The following TRAPPC9 variants were observed in gnomAD, a reference collection of about 807,000 sequenced individuals.
TRAPPC9 encodes trafficking protein particle complex subunit 9, also known as IKK2 binding protein.
Under a neutral mutation model 124.0 loss-of-function variants are expected in TRAPPC9, and 83 were observed. The ratio of observed to expected loss-of-function variants is 0.67; its 90% confidence interval spans 0.56 to 0.80. The LOEUF (loss-of-function observed/expected upper bound fraction) is 0.80, where lower values mean the gene tolerates loss of function less well. Ranked by LOEUF, TRAPPC9 falls within the 30% of genes least tolerant of loss-of-function variation. TRAPPC9 has a pLI of 0.00. For missense variants in TRAPPC9, 1,302 were observed against 1,508.3 expected (o/e 0.86, Z 2.27); for synonymous variants, 638 against 617.5 (o/e 1.03, Z -0.49).
Position 139,876,895 on chromosome 8 carries a change from A to G in TRAPPC9, c.3055+8984T>C, listed in dbSNP as rs149158456. 4.7e-4 allele frequency among the ~76,000 whole-genome samples: 71 copies of G among 152,316 alleles called. 3 individuals are homozygous for G. The East Asian group carries it at 0.014, about 29-fold the overall frequency. On this transcript the variant is annotated intron_variant, in intron 21 of 22. Coordinates refer to ENST00000438773, the MANE Select transcript of TRAPPC9 (RefSeq NM_001160372.4). The stretch of plus-strand genomic sequence containing the variant: ...TCATGAAGAGTTTGGACCTTGAGCC[A>G]TGCTCCCCAAATGTGAGAGCACCAC...
chr8:140,290,846 A>G, intron 12 of TRAPPC9, 147 bp downstream of exon 12: 1 of 712,764 alleles, frequency 1.4e-6, no homozygotes. Context: ...CATGGTCTTC[A>G]TTTACAATAA....
At chr8:139,789,050 C>G (rs1451838276) in intron 21 of TRAPPC9, among the ~76,000 whole-genome samples, 1 of 152,248 alleles carries the variant, frequency 6.6e-6, no homozygotes, top group East Asian at 1.9e-4. Flanking sequence ...CAGCTAAAAT[C>G]AGCATGCACG....
intron 21 of TRAPPC9, among the ~76,000 whole-genome samples, chr8:139,762,738 G>A (rs1381164741): frequency 1.3e-5 from 2 of 152,202 alleles, no homozygotes; most frequent in Non-Finnish European, 2.9e-5. Flanking sequence ...ATGTGCCCAG[G>A]AAACAGATGG....
chr8:140,009,701 G>A lies in TRAPPC9; in HGVS notation c.2699+14236C>T, dbSNP rs561802667. ...ACTGACATCCACTCCCGCCCGTGGCGCAACAGCACATTCTCTGAAAGCAGC... is the reference window on the plus strand; with the variant it reads ...ACTGACATCCACTCCCGCCCGTGGCACAACAGCACATTCTCTGAAAGCAGC... On this transcript the variant is annotated intron_variant, in intron 18 of 22. Transcript: ENST00000438773. Among the ~76,000 whole-genome samples the A allele has an allele frequency of 2.6e-5, 4 of 152,300 alleles. No individual in the cohort carries two copies. The South Asian group carries it at 6.2e-4, about 24-fold the overall frequency.
intron 21 of TRAPPC9, among the ~76,000 whole-genome samples, chr8:139,756,535 G>A (rs1819805800): frequency 6.8e-6 from 1 of 147,370 alleles, no homozygotes; most frequent in African/African-American, 2.6e-5. Flanking sequence ...GCAGGTCGCA[G>A]GAGGAGCCAG....
At chr8:140,415,882 T>G (rs979485711) in intron 5 of TRAPPC9, among the ~76,000 whole-genome samples, 14 of 152,074 alleles carry the variant, frequency 9.2e-5, no homozygotes, top group African/African-American at 3.4e-4. Context: ...AAGGATCACT[T>G]GAGCACAGGA....
intron 19 of TRAPPC9, among the ~76,000 whole-genome samples, chr8:139,931,020 T>G (rs180813041): frequency 1.1e-4 from 17 of 152,230 alleles, no homozygotes; most frequent in Non-Finnish European, 2.1e-4. Flanking sequence ...GTTCCCTGTC[T>G]GTCCAGGAAG....
chr8:139,806,560 G>A (rs1824076182), intron 21 of TRAPPC9, among the ~76,000 whole-genome samples: 1 of 152,224 alleles, frequency 6.6e-6, no homozygotes, highest in South Asian at 2.1e-4. Context: ...CCCCAAGGGT[G>A]TACCTGAACC....
At chr8:140,151,385 G>A (rs1481850908) in intron 17 of TRAPPC9, among the ~76,000 whole-genome samples, 2 of 152,210 alleles carry the variant, frequency 1.3e-5, no homozygotes, top group African/African-American at 4.8e-5. Flanking sequence ...GATAAAGGCT[G>A]CAAACCCAGC....
chr8:139,865,280 C>G (rs1267826077), intron 21 of TRAPPC9, among the ~76,000 whole-genome samples: 1 of 152,324 alleles, frequency 6.6e-6, no homozygotes, highest in East Asian at 1.9e-4. Flanking sequence ...TCTGGTCTGG[C>G]AGAAGACAGA....
At chr8:139,874,128 G>A (rs192279934) in intron 21 of TRAPPC9, among the ~76,000 whole-genome samples, 43 of 152,380 alleles carry the variant, frequency 2.8e-4, no homozygotes, top group African/African-American at 9.4e-4. Context: ...CAGGGCTGTC[G>A]TAAGGCAGAT....
At chr8:140,175,457 T>C (rs1293689425) in intron 17 of TRAPPC9, among the ~76,000 whole-genome samples, 1 of 151,974 alleles carries the variant, frequency 6.6e-6, no homozygotes, top group Non-Finnish European at 1.5e-5. Flanking sequence ...AAAGAGTTGG[T>C]TCCAGCATGT....
chr8:140,166,154 G>C (rs549938450), intron 17 of TRAPPC9, among the ~76,000 whole-genome samples: 4 of 152,318 alleles, frequency 2.6e-5, no homozygotes, highest in Non-Finnish European at 4.4e-5. Context: ...AGGCATGACC[G>C]AAAGCTCCCC....
chr8:140,247,847 A>G (rs1239026750), intron 16 of TRAPPC9, among the ~76,000 whole-genome samples: 1 of 152,190 alleles, frequency 6.6e-6, no homozygotes, highest in Non-Finnish European at 1.5e-5. Context: ...ATGCTGGAAA[A>G]AAAAATTTAT....
At chr8:140,300,737 G>T (rs376795700) in intron 10 of TRAPPC9, 123 bp from the exon 11 acceptor site, 1 of 1,224,474 alleles carries the variant, frequency 8.2e-7, no homozygotes, top group Non-Finnish European at 1.2e-6. Flanking sequence ...TAAATGGAGG[G>T]AGGAAAAGCA....
intron 17 of TRAPPC9, among the ~76,000 whole-genome samples, chr8:140,143,273 C>T (rs1587799195): frequency 6.6e-6 from 1 of 152,228 alleles, no homozygotes; most frequent in Admixed American, 6.5e-5. Flanking sequence ...GCCAGGGGCC[C>T]TGGCAGCATG....
At chr8:139,877,205 A>T (rs973660078) in intron 21 of TRAPPC9, among the ~76,000 whole-genome samples, 1 of 152,252 alleles carries the variant, frequency 6.6e-6, no homozygotes, top group Non-Finnish European at 1.5e-5. Context: ...AGCTATAAAG[A>T]GGAAAGTGTT....
At chr8:140,045,632 A>AG (rs1841536488) in intron 17 of TRAPPC9, among the ~76,000 whole-genome samples, 1 of 67,096 alleles carries the variant, frequency 1.5e-5, no homozygotes, top group South Asian at 5.1e-4. Flanking sequence ...ATCTCGGCAG[A>AG]AAAAAAAAAA....
intron 7 of TRAPPC9, among the ~76,000 whole-genome samples, chr8:140,376,321 A>T (rs968016585): frequency 5.9e-5 from 9 of 151,504 alleles, no homozygotes; most frequent in African/African-American, 1.9e-4. Context: ...CTTTGGGAGG[A>T]TGAGGTGGGC....
Sources: allele counts gnomAD v4.1 joint callset (sites outside exome capture counted in the v4.1 genomes callset), GRCh38; gene constraint gnomAD v4.1.1; transcripts MANE v1.5; gene names NCBI Gene and HGNC (gene_info 2026-07-23, HGNC 2026-07-21).